RBM33: variants seen among roughly 807,000 people sequenced by gnomAD.
RBM33 encodes the protein RNA-binding protein 33.
A neutral mutation model predicts 132.6 loss-of-function variants in RBM33; 28 were observed. The ratio of observed to expected loss-of-function variants is 0.21; its 90% CI spans 0.16 to 0.29. RBM33 has a LOEUF of 0.29. Ranked by LOEUF, RBM33 falls within the 10% of genes least tolerant of loss-of-function variation. RBM33 has a pLI of 1.00. For missense variants in RBM33, 1,291 were observed against 1,518.5 expected, an observed-to-expected ratio of 0.85 and a Z score of 2.49; for synonymous variants, 634 against 593.0, an observed-to-expected ratio of 1.07 and a Z score of -1.01.
chr7:155,753,259 A>T (rs1211591030), intron 14 of RBM33, among the ~76,000 whole-genome samples: 3 of 152,206 alleles, frequency 2.0e-5, no homozygotes. Context: ...AAAATTTATT[A>T]TTGCCTCCTG....
At chr7:155,753,728 C>T (rs1484246134) in intron 14 of RBM33, among the ~76,000 whole-genome samples, 2 of 152,150 alleles carry the variant, frequency 1.3e-5, no homozygotes, top group East Asian at 1.9e-4. Flanking sequence ...GTGGGGGCCA[C>T]GAGAGATGCA....
intron 5 of RBM33, among the ~76,000 whole-genome samples, chr7:155,692,007 C>T (rs1239495358): frequency 2.7e-5 from 4 of 150,848 alleles, no homozygotes; most frequent in Admixed American, 6.6e-5. Context: ...GCTGTGATTG[C>T]GCCACTGCCC....
intron 1 of RBM33, among the ~76,000 whole-genome samples, chr7:155,653,079 T>A (rs1210703093): frequency 6.6e-6 from 1 of 151,348 alleles, no homozygotes; most frequent in African/African-American, 2.4e-5. Context: ...ATCTATACTA[T>A]TTTTTTTTAA....
chr7:155,729,431 A>G (rs1457814046), intron 9 of RBM33, among the ~76,000 whole-genome samples: 1 of 152,176 alleles, frequency 6.6e-6, no homozygotes, highest in Non-Finnish European at 1.5e-5. Flanking sequence ...TATAGTTAGA[A>G]TACAAGTTAA....
intron 1 of RBM33, among the ~76,000 whole-genome samples, chr7:155,659,634 C>T (rs1312524886): frequency 6.6e-6 from 1 of 151,876 alleles, no homozygotes; most frequent in Non-Finnish European, 1.5e-5. Flanking sequence ...CATAGGAGAC[C>T]CACGAGAGCA....
At chr7:155,664,693 A>G (rs1004749040) in intron 1 of RBM33, among the ~76,000 whole-genome samples, 1 of 152,218 alleles carries the variant, frequency 6.6e-6, no homozygotes, top group African/African-American at 2.4e-5. Context: ...TAGAAAACCT[A>G]GAATTAGGTG....
chr7:155,761,113 G>A (rs1802022434), intron 14 of RBM33, among the ~76,000 whole-genome samples: 1 of 152,186 alleles, frequency 6.6e-6, no homozygotes, highest in African/African-American at 2.4e-5. Context: ...GTGTTCCCTT[G>A]GTTAACCGGG....
At chr7:155,681,571 T>C (rs1394433217) in intron 5 of RBM33, among the ~76,000 whole-genome samples, 3 of 152,052 alleles carry the variant, frequency 2.0e-5, no homozygotes, top group African/African-American at 7.2e-5. Context: ...TCAAAAGAGA[T>C]TTGTTTTTTA....
rs1473758890 is a variant in RBM33 at position 155,781,099 on chromosome 7, G to GC, written c.*6061dup. 6.5e-6 allele frequency: 1 copy of GC among 152,764 alleles called. No individual in the cohort carries two copies. Among genetic ancestry groups the GC allele is most frequent in the Non-Finnish European group, 1.5e-5 (1 of 68,130 alleles). The allele number at this position is 152,764 out of a possible 1,614,324, so 9.5% of individuals were successfully genotyped here. Reference sequence around the variant, plus strand: ...ACTGCTTTGCCGACGGGGCCTCCCGGCCCTGATGCGTGTACACTCTGCGGG... The same window carrying GC: ...ACTGCTTTGCCGACGGGGCCTCCCGGCCCCTGATGCGTGTACACTCTGCGGG... On this transcript the variant is annotated 3_prime_UTR_variant, in exon 18 of 18. Coordinates refer to ENST00000401878, the MANE Select transcript of RBM33 (RefSeq NM_053043.3).
In RBM33 at chr7:155,738,374, C is replaced by T; in HGVS notation, c.1708C>T (p.Leu570=). 6.2e-7 allele frequency: 1 copy of T among 1,613,880 alleles called. No individual in the cohort carries two copies. Among genetic ancestry groups the T allele is most frequent in the South Asian group, 1.1e-5 (1 of 91,078 alleles). The change falls in exon 11 of 18, where the codon CTG becomes TTG. Residue 570 remains leucine (L), a synonymous_variant. Coordinates refer to ENST00000401878, the MANE Select transcript of RBM33 (RefSeq NM_053043.3). ...CCTGCCAGGCCCAGGACAGCCGTTT[C>T]TGCCCACACACACACAGCCCAACCT... The part of the protein sequence containing the change: ...PFLPGPGQPF[L]PTHTQPNLQG...
chr7:155,724,136 CT>C (rs917082046), intron 9 of RBM33, among the ~76,000 whole-genome samples: 4 of 149,532 alleles, frequency 2.7e-5, no homozygotes, highest in African/African-American at 7.4e-5. Context: ...AAACACACTG[CT>C]TTTTTTTTTC....
intron 1 of RBM33, among the ~76,000 whole-genome samples, chr7:155,660,437 G>T (rs6954802): frequency 6.6e-6 from 1 of 151,958 alleles, no homozygotes; most frequent in Non-Finnish European, 1.5e-5. Context: ...TATATTTTTT[G>T]GGGATACAAT....
chr7:155,711,704 T>C (rs1281746746), intron 8 of RBM33, among the ~76,000 whole-genome samples: 2 of 152,114 alleles, frequency 1.3e-5, no homozygotes, highest in Non-Finnish European at 2.9e-5. Context: ...AACTGTGCAA[T>C]GATGTGAGTG....
rs1043051231 is a variant in RBM33 at position 155,778,036 on chromosome 7, C to T, written c.*2995C>T. On this transcript the variant is annotated 3_prime_UTR_variant, in exon 18 of 18. Transcript: ENST00000401878. The surrounding 1 kb of genome is among the most constrained non-coding windows in gnomAD (Gnocchi z 4.0). ...CCTTGCATTACCACTGGTCTGGCCA[C>T]GTTTGTTAAATCCTTATACTGATAT... The T allele has an allele frequency of 6.6e-6, 1 of 152,630 alleles. No homozygotes were observed. The highest frequency in any genetic ancestry group is 2.4e-5 in the African/African-American group (1 of 41,440). The allele number at this position is 152,630 out of a possible 1,614,324, so 9.5% of individuals were successfully genotyped here. A position where few individuals can be genotyped will look rare whatever the true frequency, so the allele number is the denominator to read the frequency against.
intron 14 of RBM33, among the ~76,000 whole-genome samples, chr7:155,760,209 T>C (rs1222136497): frequency 6.6e-6 from 1 of 152,248 alleles, no homozygotes; most frequent in Non-Finnish European, 1.5e-5. Context: ...CACTGGCTTC[T>C]CTCAAGCACT....
chr7:155,770,667 G>A (rs778200014), intron 16 of RBM33, among the ~76,000 whole-genome samples: 4 of 149,934 alleles, frequency 2.7e-5, no homozygotes, highest in African/African-American at 4.9e-5. Context: ...GAGAAAAAGA[G>A]CTTGGTGTTT....
At chr7:155,743,863 G>A (rs868404036) in intron 13 of RBM33, among the ~76,000 whole-genome samples, 6 of 152,094 alleles carry the variant, frequency 3.9e-5, no homozygotes, top group African/African-American at 7.2e-5. Flanking sequence ...CTGCTTCCCC[G>A]ATGCCCATGT....
chr7:155,711,696 CTG>C (rs1457262355), intron 8 of RBM33, among the ~76,000 whole-genome samples: 1 of 152,202 alleles, frequency 6.6e-6, no homozygotes, highest in Admixed American at 6.5e-5. Context: ...ATTTTGCCAA[CTG>C]TGCAATGATG....
At chr7:155,735,723 C>CCG (rs1801104189) in intron 9 of RBM33, among the ~76,000 whole-genome samples, 1 of 145,138 alleles carries the variant, frequency 6.9e-6, no homozygotes. Context: ...CTCTCTGTCT[C>CCG]TCTCTCTCTC....
Sources: allele counts gnomAD v4.1 joint callset (sites outside exome capture counted in the v4.1 genomes callset), GRCh38; gene constraint gnomAD v4.1.1; non-coding constraint Gnocchi (gnomAD v3.1); transcripts MANE v1.5; gene names NCBI Gene and HGNC (gene_info 2026-07-23, HGNC 2026-07-21).